Variants in KCNQ5 observed in about 807,000 individuals in gnomAD.
KCNQ5 encodes the protein potassium voltage-gated channel subfamily KQT member 5.
In KCNQ5, 30 loss-of-function variants were observed where a neutral mutation model predicts 98.2. The observed-to-expected ratio is 0.31, with a 90% CI of 0.23 to 0.41. The LOEUF (loss-of-function observed/expected upper bound fraction) is 0.41, where lower values mean the gene tolerates loss of function less well. Ranked by LOEUF, KCNQ5 falls within the 10% of genes least tolerant of loss-of-function variation. KCNQ5 has a pLI of 1.00. For synonymous variants in KCNQ5, 458 were observed against 449.4 expected, an observed-to-expected ratio of 1.02 and a Z score of -0.24; for missense variants, 835 against 1,182.5, an observed-to-expected ratio of 0.71 and a Z score of 4.31.
intron 2 of KCNQ5, among the ~76,000 whole-genome samples, chr6:73,019,087 A>G (rs988083069): frequency 6.6e-6 from 1 of 151,990 alleles, no homozygotes; most frequent in African/African-American, 2.4e-5. Context: ...TGACAGGGTG[A>G]CCTTATCTCC....
intron 1 of KCNQ5, among the ~76,000 whole-genome samples, chr6:72,756,103 A>C (rs1278155129): frequency 6.6e-6 from 1 of 152,188 alleles, no homozygotes; most frequent in African/African-American, 2.4e-5. Context: ...GTCTTTTAGA[A>C]ATTTGTGAAA....
In KCNQ5 at chr6:73,195,547, T is replaced by A. The variant is rs1765763767; in HGVS notation, c.*133T>A. On this transcript the variant is annotated 3_prime_UTR_variant, in exon 14 of 14. Transcript: ENST00000370398. ...ACATGAAAGGCAGTTTATAAGCCCG[T>A]TACCTTTTAATTGCATGAAAATGCA... 1 of 1,163,010 alleles carries A rather than the reference T, an allele frequency of 8.6e-7. No individual in the cohort carries two copies. Among genetic ancestry groups the A allele is most frequent in the African/African-American group, 1.5e-5 (1 of 64,820 alleles). 72.0% of individuals were successfully genotyped at this position (1,163,010 alleles called of 1,614,324 possible).
intron 11 of KCNQ5, among the ~76,000 whole-genome samples, chr6:73,173,069 T>C (rs1778072814): frequency 6.6e-6 from 1 of 152,234 alleles, no homozygotes; most frequent in South Asian, 2.1e-4. Context: ...AAATAAATAA[T>C]GTCACTGTTC....
rs570487012 is a variant in KCNQ5, at chr6:72,767,080, C to T, written c.398+144493C>T. 2.0e-5 allele frequency among the ~76,000 whole-genome samples: 3 copies of T among 151,972 alleles called. No individual in the cohort carries two copies. In the East Asian group the frequency reaches 5.8e-4, roughly 29 times the overall value. On this transcript the variant is annotated intron_variant, in intron 1 of 13. Transcript: ENST00000370398. ...TCATAGCTAAATTTGTTTTCAACAA[C>T]CGAGTGGATAGGTATAATTCACTGA...
rs1445722503 is a variant in KCNQ5 at position 73,124,427 on chromosome 6, T to G, written c.1221-59T>G. ...AATCTCCAATTTGGCCATTATCAAG[T>G]GCTATAAATATATTCACTGGTTTAT... On this transcript the variant is annotated intron_variant, in intron 8 of 13. Coordinates refer to ENST00000370398, the MANE Select transcript of KCNQ5 (RefSeq NM_019842.4). 5 of 1,552,684 alleles carry G rather than the reference T, an allele frequency of 3.2e-6. No individual in the cohort carries two copies. In the East Asian group the frequency reaches 1.1e-4, roughly 35 times the overall value.
chr6:72,844,330 C>A (rs1370931810), intron 1 of KCNQ5, among the ~76,000 whole-genome samples: 3 of 152,166 alleles, frequency 2.0e-5, no homozygotes, highest in Admixed American at 6.5e-5. Flanking sequence ...AGGCATTGTT[C>A]CTGTTTATTT....
intron 1 of KCNQ5, among the ~76,000 whole-genome samples, chr6:72,697,140 T>C (rs1049195528): frequency 6.6e-6 from 1 of 152,366 alleles, no homozygotes; most frequent in Middle Eastern, 3.4e-3. Flanking sequence ...AGTTTAGTTT[T>C]GTGATTTCAT....
chr6:72,900,857 G>A (rs1189485965), intron 1 of KCNQ5, among the ~76,000 whole-genome samples: 1 of 151,994 alleles, frequency 6.6e-6, no homozygotes, highest in Admixed American at 6.6e-5. Context: ...CAGGAATAAG[G>A]TGGTATCACA....
At chr6:72,827,335 C>G (rs1007723840) in intron 1 of KCNQ5, among the ~76,000 whole-genome samples, 2 of 151,990 alleles carry the variant, frequency 1.3e-5, no homozygotes, top group Admixed American at 6.6e-5. Context: ...AGTTTATGTT[C>G]CCAACAAGAG....
chr6:73,158,954 T>C (rs1777501273), intron 10 of KCNQ5, among the ~76,000 whole-genome samples: 1 of 152,258 alleles, frequency 6.6e-6, no homozygotes, highest in Non-Finnish European at 1.5e-5. Context: ...TTGAAACTTA[T>C]ATAACTATTT....
intron 1 of KCNQ5, among the ~76,000 whole-genome samples, chr6:72,950,351 G>C (rs944940491): frequency 5.9e-5 from 9 of 152,212 alleles, no homozygotes; most frequent in Non-Finnish European, 1.0e-4. Context: ...TGATTCACTT[G>C]TTTGGAATCA....
At chr6:72,692,051 C>T (rs542984679) in intron 1 of KCNQ5, among the ~76,000 whole-genome samples, 8 of 152,264 alleles carry the variant, frequency 5.3e-5, no homozygotes, top group East Asian at 1.9e-4. Flanking sequence ...ATAATTTCTT[C>T]GACCAAATTG....
At chr6:72,811,031 T>C (rs112602395) in intron 1 of KCNQ5, among the ~76,000 whole-genome samples, 35 of 152,254 alleles carry the variant, frequency 2.3e-4, no homozygotes, top group African/African-American at 8.2e-4. Context: ...GGCAGGAAAA[T>C]GTCTTCTTGC....
At chr6:72,831,188 A>G (rs1285046346) in intron 1 of KCNQ5, among the ~76,000 whole-genome samples, 2 of 152,216 alleles carry the variant, frequency 1.3e-5, no homozygotes, top group African/African-American at 4.8e-5. Context: ...TCAAGGATCT[A>G]CAACTAGAAA....
At chr6:72,659,639 GC>G (rs1766405782) in intron 1 of KCNQ5, among the ~76,000 whole-genome samples, 1 of 151,894 alleles carries the variant, frequency 6.6e-6, no homozygotes, top group Admixed American at 6.6e-5. Flanking sequence ...GAATGGAAGG[GC>G]AAAAAAGGGA....
At chr6:73,183,176 A>T (rs1778459548) in intron 11 of KCNQ5, among the ~76,000 whole-genome samples, 1 of 152,140 alleles carries the variant, frequency 6.6e-6, no homozygotes, top group African/African-American at 2.4e-5. Flanking sequence ...CATTCTCCTT[A>T]ATGTTTACAA....
At chr6:72,847,352 G>T (rs538498758) in intron 1 of KCNQ5, among the ~76,000 whole-genome samples, 4 of 152,128 alleles carry the variant, frequency 2.6e-5, no homozygotes, top group Admixed American at 2.6e-4. Context: ...TAGTAAAGAC[G>T]GTTTCTCCTT....
intron 1 of KCNQ5, among the ~76,000 whole-genome samples, chr6:72,835,172 C>G (rs1016999786): frequency 1.3e-5 from 2 of 152,022 alleles, no homozygotes; most frequent in African/African-American, 4.8e-5. Context: ...TCTTTCCTCC[C>G]CATCACTAAC....
At position 72,941,341 on chromosome 6, in the gene KCNQ5, CTTTCT is replaced by C. The variant is rs1562082069; in HGVS notation, c.399-62565_399-62561del. 4.0e-4 allele frequency among the ~76,000 whole-genome samples: 17 copies of C among 42,440 alleles called. No homozygotes were observed. In the South Asian group the frequency reaches 9.9e-3, roughly 25 times the overall value. The allele number at this position is 42,440 out of a possible 152,430, so 27.8% of individuals were successfully genotyped here. On this transcript the variant is annotated intron_variant, in intron 1 of 13. Coordinates refer to ENST00000370398, the MANE Select transcript of KCNQ5 (RefSeq NM_019842.4). ...CCTTCTTTCCTTCCTTCCTTCCTTCCTTTCTTCCTTCCTTCTTTTCTTCCTTCCTT... is the reference window on the plus strand; with the variant it reads ...CCTTCTTTCCTTCCTTCCTTCCTTCCTCCTTCCTTCTTTTCTTCCTTCCTT...
Sources: gnomAD v4.1 joint callset for allele counts (sites outside exome capture counted in the v4.1 genomes callset) on GRCh38, gnomAD v4.1.1 for gene constraint, MANE v1.5 for transcripts, NCBI Gene and HGNC (gene_info 2026-07-23, HGNC 2026-07-21) for gene names.